The following GAL3ST1 variants were observed in gnomAD, a reference collection of about 807,000 sequenced individuals.
GAL3ST1 encodes the protein galactose-3-O-sulfotransferase 1, also known as galactosylceramide sulfotransferase.
In GAL3ST1, 13 loss-of-function variants were observed where a neutral mutation model predicts 25.0. The observed-to-expected ratio is 0.52, with a 90% CI of 0.34 to 0.83. The LOEUF (loss-of-function observed/expected upper bound fraction) is 0.83, where lower values mean the gene tolerates loss of function less well. GAL3ST1 is among the 40% of genes least tolerant of loss of function. The probability of loss-of-function intolerance (pLI) is 0.02; values close to 1 mark genes in which losing one functional copy is unlikely to be tolerated. For missense variants in GAL3ST1, 474 were observed against 613.6 expected, an observed-to-expected ratio of 0.77 and a Z score of 2.40; for synonymous variants, 274 against 277.8, an observed-to-expected ratio of 0.99 and a Z score of 0.14.
intron 1 of GAL3ST1, among the ~76,000 whole-genome samples, chr22:30,574,213 A>AG (rs956317023): frequency 6.6e-6 from 1 of 151,966 alleles, no homozygotes; most frequent in Non-Finnish European, 1.5e-5. Flanking sequence ...AAGCCCTGGA[A>AG]GGGGGGTTGG....
intron 1 of GAL3ST1, among the ~76,000 whole-genome samples, chr22:30,559,915 CCT>C (rs2086284562): frequency 6.6e-6 from 1 of 152,242 alleles, no homozygotes; most frequent in Admixed American, 6.5e-5. Context: ...GCCCTGGGCC[CCT>C]GAGGCCAGGA....
chr22:30,563,579 A>G (rs1177492014), intron 1 of GAL3ST1, among the ~76,000 whole-genome samples: 1 of 151,834 alleles, frequency 6.6e-6, no homozygotes, highest in African/African-American at 2.4e-5. Context: ...TCGTGCCACT[A>G]AACTCCAGCC....
chr22:30,556,067 G>A lies in GAL3ST1; in HGVS notation c.158C>T (p.Ser53Phe). 1.9e-6 allele frequency: 3 copies of A among 1,609,614 alleles called. No individual in the cohort carries two copies. The highest frequency in any genetic ancestry group is 2.2e-5 in the South Asian group (2 of 91,016). ...TGCCTCTGGCTCGAGTGCAGGTGGA[G>A]AGCAGGACGCTGCGGCCTCCGGGGT... Reference protein sequence around the residue: ...STTPEAAASCSPPALEPEAVI... With the variant: ...STTPEAAASCFPPALEPEAVI... Residue 53 changes from serine to phenylalanine, a missense_variant, in exon 4 of 4, where the codon TCT becomes TTT. Around this residue, in one of 2 missense-constraint regions of GAL3ST1, gnomAD observed 115 missense variants for 109.2 expected, o/e 1.05. Transcript: ENST00000406361.
chr22:30,565,940 CAATT>C (rs2086606120), intron 1 of GAL3ST1, among the ~76,000 whole-genome samples: 1 of 152,148 alleles, frequency 6.6e-6, no homozygotes, highest in African/African-American at 2.4e-5. Flanking sequence ...GTGCCACCAT[CAATT>C]AATAATGATC....
In GAL3ST1 at chr22:30,557,253, G is replaced by C; in HGVS notation, c.131+9C>G. The stretch of plus-strand genomic sequence containing the variant: ...CTACACCCATCATCTGCCCAGCTGG[G>C]CCACTCACGTGGAGGCCAGGCCGGC... On this transcript the variant is annotated intron_variant, in intron 3 of 3. Transcript: ENST00000406361. The C allele has an allele frequency of 6.2e-7, 1 of 1,613,806 alleles. No individual in the cohort carries two copies. Among genetic ancestry groups the C allele is most frequent in the South Asian group, 1.1e-5 (1 of 91,064 alleles).
At chr22:30,566,809 C>T (rs1451918439) in intron 1 of GAL3ST1, among the ~76,000 whole-genome samples, 1 of 151,992 alleles carries the variant, frequency 6.6e-6, no homozygotes, top group Admixed American at 6.6e-5. Flanking sequence ...CGGGGTTTCA[C>T]CGTGTTAGCC....
Position 30,574,649 on chromosome 22 carries a change from G to A in GAL3ST1, c.-303C>T, listed in dbSNP as rs1057389238. ...CCCGCGCCGCGCCCGCTCCCGGCCA[G>A]GTGCCGCCGCCAGCCTGGCCCAGCC... On this transcript the variant is annotated 5_prime_UTR_variant, in exon 1 of 4. Coordinates refer to ENST00000406361, the MANE Select transcript of GAL3ST1 (RefSeq NM_001318104.2). 6.8e-6 allele frequency: 1 copy of A among 147,128 alleles called. No homozygotes were observed. The allele number at this position is 147,128 out of a possible 1,614,324, so 9.1% of individuals were successfully genotyped here.
intron 1 of GAL3ST1, among the ~76,000 whole-genome samples, chr22:30,569,565 A>G (rs764454649): frequency 2.0e-5 from 3 of 151,772 alleles, no homozygotes; most frequent in Non-Finnish European, 4.4e-5. Flanking sequence ...AGAATGCCTG[A>G]AGAGCAGTAG....
chr22:30,557,925 A>G (rs886603990), intron 2 of GAL3ST1, among the ~76,000 whole-genome samples: 1 of 151,484 alleles, frequency 6.6e-6, no homozygotes, highest in Non-Finnish European at 1.5e-5. Flanking sequence ...CTTTTAGGGC[A>G]TCATAATGAA....
chr22:30,567,012 A>G (rs2086645866), intron 1 of GAL3ST1, among the ~76,000 whole-genome samples: 1 of 152,090 alleles, frequency 6.6e-6, no homozygotes, highest in Admixed American at 6.5e-5. Context: ...GCTGGAGTGT[A>G]GTGGCAAGAT....
chr22:30,554,777 CCT>C lies in GAL3ST1; in HGVS notation c.*174_*175del. On this transcript the variant is annotated 3_prime_UTR_variant, in exon 4 of 4. Transcript: ENST00000406361. Reference sequence around the variant, plus strand: ...AGTTAAATACTGATCTCGGTTAGGCCCTCTCTGTGTTCATGGGCCCAGTCTTG... The same window carrying C: ...AGTTAAATACTGATCTCGGTTAGGCCCTCTGTGTTCATGGGCCCAGTCTTG... 4 of 544,214 alleles carry C rather than the reference CCT, an allele frequency of 7.4e-6. No homozygotes were observed. The East Asian group carries it at 1.2e-4, about 17-fold the overall frequency. The allele number at this position is 544,214 out of a possible 1,614,324, so 33.7% of individuals were successfully genotyped here. A position where few individuals can be genotyped will look rare whatever the true frequency, so the allele number is the denominator to read the frequency against.
rs774925759 is a variant in GAL3ST1 at position 30,555,706 on chromosome 22, G to C, written c.519C>G (p.Ser173=). The C allele has an allele frequency of 1.9e-6, 3 of 1,613,952 alleles. No individual in the cohort carries two copies. Among genetic ancestry groups the C allele is most frequent in the Non-Finnish European group, 2.5e-6 (3 of 1,180,036 alleles). The change falls in exon 4 of 4, where the codon TCC becomes TCG. Residue 173 remains serine, a synonymous_variant. Coordinates refer to ENST00000406361, the MANE Select transcript of GAL3ST1 (RefSeq NM_001318104.2). The surrounding 1 kb of genome is among the most constrained non-coding windows in gnomAD (Gnocchi z 8.6). The part of the protein sequence containing the change: ...LRDPARLFES[S]FHYFGPVVPL... ...GCACCACCGGCCCGAAGTAGTGGAA[G>C]GAGGACTCGAACAAGCGGGCGGGGT...
intron 1 of GAL3ST1, among the ~76,000 whole-genome samples, chr22:30,570,599 C>T (rs1056500497): frequency 6.6e-5 from 10 of 152,162 alleles, no homozygotes; most frequent in Admixed American, 5.9e-4. Context: ...GAGTTTGAGA[C>T]CAGCCTGACA....
chr22:30,574,619 C>A lies in GAL3ST1; in HGVS notation c.-273G>T. The A allele has an allele frequency of 6.9e-6, 1 of 144,808 alleles. No individual in the cohort carries two copies. The highest frequency in any genetic ancestry group is 1.8e-4 in the South Asian group (1 of 5,520). The allele number at this position is 144,808 out of a possible 1,614,324, so 9.0% of individuals were successfully genotyped here. On this transcript the variant is annotated 5_prime_UTR_variant, in exon 1 of 4. Coordinates refer to ENST00000406361, the MANE Select transcript of GAL3ST1 (RefSeq NM_001318104.2). Reference sequence around the variant, plus strand: ...CCCCGCCGCCGCTGCCGCGCCGCGCCCGCTCCCGCGCCGCGCCCGCTCCCG... The same window carrying A: ...CCCCGCCGCCGCTGCCGCGCCGCGCACGCTCCCGCGCCGCGCCCGCTCCCG...
At chr22:30,560,062 G>C (rs1284686867) in intron 1 of GAL3ST1, among the ~76,000 whole-genome samples, 1 of 152,166 alleles carries the variant, frequency 6.6e-6, no homozygotes, top group Non-Finnish European at 1.5e-5. Flanking sequence ...GAGCCTGGGG[G>C]GCAGAGGTTG....
chr22:30,556,182 A>G, intron 3 of GAL3ST1, 89 bp from the exon 4 acceptor site: 1 of 1,100,394 alleles, frequency 9.1e-7, no homozygotes, highest in Non-Finnish European at 1.3e-6. Context: ...TATTGGGAAC[A>G]GTGGTGGCAA....
intron 1 of GAL3ST1, among the ~76,000 whole-genome samples, chr22:30,570,633 T>C (rs761072685): frequency 1.3e-5 from 2 of 152,108 alleles, no homozygotes; most frequent in Non-Finnish European, 2.9e-5. Flanking sequence ...CCATCTCTAC[T>C]AAAAATACAA....
At chr22:30,557,794 T>A (rs1395931098) in intron 2 of GAL3ST1, 1 of 155,796 alleles carries the variant, frequency 6.4e-6, no homozygotes, top group African/African-American at 2.4e-5. Context: ...TACCTTTTTT[T>A]TTTTAGTTAT....
intron 1 of GAL3ST1, among the ~76,000 whole-genome samples, chr22:30,569,393 A>G (rs2086715597): frequency 6.6e-6 from 1 of 152,016 alleles, no homozygotes; most frequent in African/African-American, 2.4e-5. Context: ...GGTATGGAGG[A>G]GAGGAGGGAA....
Sources: gnomAD v4.1 joint callset for allele counts (sites outside exome capture counted in the v4.1 genomes callset) on GRCh38, gnomAD v4.1.1 for gene constraint, gnomAD v4.1.1 regional missense constraint, Gnocchi (gnomAD v3.1) non-coding constraint, MANE v1.5 for transcripts, NCBI Gene and HGNC (gene_info 2026-07-23, HGNC 2026-07-21) for gene names.